FHIT: variants seen among roughly 807,000 people sequenced by gnomAD.
The protein encoded by FHIT is fragile histidine triad diadenosine triphosphatase.
In FHIT, 19 loss-of-function variants were observed where a neutral mutation model predicts 17.9. The observed-to-expected ratio is 1.06, with a 90% CI of 0.74 to 1.56. The LOEUF (loss-of-function observed/expected upper bound fraction) is 1.56. Among genes scored for constraint, FHIT ranks in the 40% most tolerant of loss-of-function variants. The pLI, the probability that FHIT is intolerant of heterozygous loss-of-function variation, is 0.00. For synonymous variants in FHIT, 81 were observed against 69.7 expected, an observed-to-expected ratio of 1.16 and a Z score of -0.81; for missense variants, 248 against 189.2, an observed-to-expected ratio of 1.31 and a Z score of -1.82.
In FHIT at chr3:61,209,185, C is replaced by T. The variant is rs537539446; in HGVS notation, c.-212-8520G>A. ...CTTGTAGAGTTTCTGCCGAGAGATC[C>T]GCTGTTAGTCTGATGGGCTTCCCTT... On this transcript the variant is annotated intron_variant, in intron 1 of 9. Coordinates refer to ENST00000492590, the MANE Select transcript of FHIT (RefSeq NM_002012.4). Among the ~76,000 whole-genome samples the T allele has an allele frequency of 1.4e-4, 22 of 152,306 alleles. No homozygotes were observed. The South Asian group carries it at 1.7e-3, about 11-fold the overall frequency.
At chr3:60,124,001 TATATATATAGAGAGAGAGAGAG>T (rs1705399214) in intron 5 of FHIT, among the ~76,000 whole-genome samples, 1 of 27,958 alleles carries the variant, frequency 3.6e-5, no homozygotes, top group African/African-American at 1.5e-4. Context: ...TATATATATA[TATATATATAGAGAGAGAGAGAG>T]AGAGAGAGAG....
At chr3:60,900,621 A>T (rs1442407216) in intron 3 of FHIT, among the ~76,000 whole-genome samples, 3 of 152,154 alleles carry the variant, frequency 2.0e-5, no homozygotes, top group Non-Finnish European at 4.4e-5. Context: ...TATTTTAAAA[A>T]TTAATTTTTT....
At chr3:60,037,411 C>T (rs1478355432) in intron 5 of FHIT, among the ~76,000 whole-genome samples, 12 of 144,116 alleles carry the variant, frequency 8.3e-5, no homozygotes, top group Middle Eastern at 3.6e-3. Context: ...TTTTTTGAGA[C>T]GGAGTCTTGC....
At chr3:59,973,851 A>G (rs775405640) in intron 7 of FHIT, among the ~76,000 whole-genome samples, 26 of 152,224 alleles carry the variant, frequency 1.7e-4, no homozygotes, top group Admixed American at 3.9e-4. Context: ...TTCACCACCA[A>G]TGAAAATACA....
At chr3:60,568,818 C>T (rs1027986212) in intron 4 of FHIT, among the ~76,000 whole-genome samples, 3 of 151,980 alleles carry the variant, frequency 2.0e-5, no homozygotes, top group African/African-American at 4.8e-5. Context: ...GGAGCACATA[C>T]TTAAAGAGGT....
In FHIT at chr3:60,641,484, G is replaced by A. The variant is rs373628585; in HGVS notation, c.-17-104505C>T. Among the ~76,000 whole-genome samples, 463 of 152,198 alleles carry A rather than the reference G, an allele frequency of 3.0e-3. 5 individuals carry two copies. The highest frequency in any genetic ancestry group is 0.011 in the African/African-American group (437 of 41,534). ...GTCAAAATGTCTTGCTTCAGAATTT[G>A]CATGGCAAGAATTTTCTCAGGGGCC... On this transcript the variant is annotated intron_variant, in intron 4 of 9. Coordinates refer to ENST00000492590, the MANE Select transcript of FHIT (RefSeq NM_002012.4).
chr3:61,152,268 A>T (rs1384486858), intron 2 of FHIT, among the ~76,000 whole-genome samples: 1 of 152,206 alleles, frequency 6.6e-6, no homozygotes, highest in Non-Finnish European at 1.5e-5. Flanking sequence ...AAGAATCCTC[A>T]GAGATAACAG....
chr3:61,223,835 T>C (rs919510117), intron 1 of FHIT, among the ~76,000 whole-genome samples: 1 of 140,392 alleles, frequency 7.1e-6, no homozygotes, highest in East Asian at 2.0e-4. Flanking sequence ...CTAAAGAAGT[T>C]TTCATTCTTC....
At chr3:60,358,684 T>C (rs1194709177) in intron 5 of FHIT, among the ~76,000 whole-genome samples, 1 of 152,228 alleles carries the variant, frequency 6.6e-6, no homozygotes, top group African/African-American at 2.4e-5. Context: ...GGTAGGTCTA[T>C]ACTTTCTAGT....
chr3:59,786,070 T>A (rs73840822), intron 8 of FHIT, among the ~76,000 whole-genome samples: 5,671 of 152,242 alleles, frequency 0.037, 147 homozygotes, highest in South Asian at 0.078. Flanking sequence ...GGTAAATATA[T>A]CTTGGCTTGA....
intron 5 of FHIT, among the ~76,000 whole-genome samples, chr3:60,298,090 G>A (rs1396602103): frequency 6.6e-6 from 1 of 151,968 alleles, no homozygotes; most frequent in Admixed American, 6.6e-5. Flanking sequence ...TTCCCTCTCT[G>A]GGAAGGTGCC....
chr3:60,340,515 G>A, intron 5 of FHIT, among the ~76,000 whole-genome samples: 1 of 152,084 alleles, frequency 6.6e-6, no homozygotes, highest in East Asian at 1.9e-4. Context: ...AATCAAGGGA[G>A]GACTTGAACT....
intron 3 of FHIT, among the ~76,000 whole-genome samples, chr3:60,886,404 T>C (rs1390053586): frequency 6.6e-6 from 1 of 152,236 alleles, no homozygotes; most frequent in Admixed American, 6.5e-5. Flanking sequence ...TTTTCCATAA[T>C]TAATATGTCA....
At chr3:61,211,059 G>C (rs2039451338) in intron 1 of FHIT, among the ~76,000 whole-genome samples, 1 of 151,996 alleles carries the variant, frequency 6.6e-6, no homozygotes, top group African/African-American at 2.4e-5. Flanking sequence ...CCGGTCTACA[G>C]CTCCCAGCAT....
chr3:60,617,899 C>T, intron 4 of FHIT: 1 of 209,198 alleles, frequency 4.8e-6, no homozygotes, highest in Non-Finnish European at 9.6e-6. Context: ...AATAAATTAG[C>T]CTTCTGTGAA....
chr3:60,142,117 C>T (rs931008486), intron 5 of FHIT, among the ~76,000 whole-genome samples: 1 of 152,088 alleles, frequency 6.6e-6, no homozygotes, highest in Non-Finnish European at 1.5e-5. Flanking sequence ...TTTAGCATAT[C>T]AATAGGAAAG....
Position 61,247,548 on chromosome 3 carries a change from C to T in FHIT, c.-213+3753G>A, listed in dbSNP as rs141965126. ...TCAGGGGCCTCTCAGCAGGCAGTAC[C>T]GAGCCAAAAGCTTCACTGTCTCTCT... On this transcript the variant is annotated intron_variant, in intron 1 of 9. Coordinates refer to ENST00000492590, the MANE Select transcript of FHIT (RefSeq NM_002012.4). Among the ~76,000 whole-genome samples the T allele has an allele frequency of 3.5e-3, 533 of 152,220 alleles. 3 individuals carry two copies. The highest frequency in any genetic ancestry group is 0.012 in the African/African-American group (508 of 41,542).
At chr3:60,467,267 C>T (rs2107435996) in intron 5 of FHIT, among the ~76,000 whole-genome samples, 1 of 151,488 alleles carries the variant, frequency 6.6e-6, no homozygotes, top group Non-Finnish European at 1.5e-5. Context: ...GAAGATTTGT[C>T]AATTTGATTT....
intron 2 of FHIT, among the ~76,000 whole-genome samples, chr3:61,133,495 A>G (rs2036823729): frequency 6.6e-6 from 1 of 152,240 alleles, no homozygotes; most frequent in South Asian, 2.1e-4. Flanking sequence ...AATGAATTCC[A>G]GAATAAACAA....
Sources: allele counts gnomAD v4.1 joint callset (sites outside exome capture counted in the v4.1 genomes callset), GRCh38; gene constraint gnomAD v4.1.1; transcripts MANE v1.5; gene names NCBI Gene and HGNC (gene_info 2026-07-23, HGNC 2026-07-21).